The following ARMC9 variants were observed in gnomAD, a reference collection of about 807,000 sequenced individuals.
ARMC9 encodes lisH domain-containing protein ARMC9.
Under a neutral mutation model 107.0 loss-of-function variants are expected in ARMC9, and 94 were observed. The observed-to-expected ratio is 0.88, with a 90% CI of 0.74 to 1.04. ARMC9 has a LOEUF of 1.04. Among genes scored for constraint, ARMC9 ranks in the 50% least tolerant of loss-of-function variants. The probability of loss-of-function intolerance (pLI) is 0.00; values close to 1 mark genes in which losing one functional copy is unlikely to be tolerated. For synonymous variants in ARMC9, 380 were observed against 396.9 expected (o/e 0.96, Z 0.51); for missense variants, 942 against 1,030.1 (o/e 0.91, Z 1.17).
In ARMC9 at chr2:231,235,397, A is replaced by C. The variant is rs752537996; in HGVS notation, c.780+16A>C. ...CGGCAAGATGGTAAGGAAGATCCCT[A>C]ATTGTGTGTATGTCTGTTTGGCAAT... On this transcript the variant is annotated intron_variant, in intron 8 of 24. Coordinates refer to ENST00000611582, the MANE Select transcript of ARMC9 (RefSeq NM_001352754.2). 6.2e-7 allele frequency: 1 copy of C among 1,613,854 alleles called. No individual in the cohort carries two copies. The highest frequency in any genetic ancestry group is 8.5e-7 in the Non-Finnish European group (1 of 1,179,852).
intron 19 of ARMC9, among the ~76,000 whole-genome samples, chr2:231,302,810 C>G (rs1159499039): frequency 6.6e-6 from 1 of 152,016 alleles, no homozygotes; most frequent in African/African-American, 2.4e-5. Flanking sequence ...TTGAGACCAG[C>G]CTGGCCAACA....
chr2:231,308,699 C>A (rs942924619), intron 19 of ARMC9, among the ~76,000 whole-genome samples: 8 of 152,226 alleles, frequency 5.3e-5, no homozygotes, highest in African/African-American at 1.9e-4. Flanking sequence ...CCAGACAGTT[C>A]CTGACCAGCC....
rs771668175 is a variant in ARMC9 at position 231,271,041 on chromosome 2, G to A, written c.1179G>A (p.Arg393=). The change falls in exon 13 of 25, where the codon AGG becomes AGA. Residue 393 remains arginine, a synonymous_variant. Transcript: ENST00000611582. ...TSDVVRQYMA[R]LINAFASLAE... is the part of the protein sequence containing the mutation. ...ACGTGGTGCGGCAGTACATGGCCAG[G>A]CTCATCAATGCTTTTGCGTCACTGG... 1 of 1,614,112 alleles carries A rather than the reference G, an allele frequency of 6.2e-7. No homozygotes were observed. The highest frequency in any genetic ancestry group is 2.2e-5 in the East Asian group (1 of 44,886).
intron 19 of ARMC9, among the ~76,000 whole-genome samples, chr2:231,299,508 G>T (rs2041592318): frequency 6.6e-6 from 1 of 152,210 alleles, no homozygotes; most frequent in Non-Finnish European, 1.5e-5. Context: ...GAAGTCAGTT[G>T]CTGTGCATTT....
chr2:231,285,823 T>G (rs901474809), intron 17 of ARMC9, among the ~76,000 whole-genome samples: 10 of 152,200 alleles, frequency 6.6e-5, no homozygotes, highest in Non-Finnish European at 1.5e-4. Context: ...AAGGTTTTTC[T>G]AAAACCCTGA....
chr2:231,323,343 T>C (rs2043107783), intron 19 of ARMC9, among the ~76,000 whole-genome samples: 1 of 152,246 alleles, frequency 6.6e-6, no homozygotes, highest in Non-Finnish European at 1.5e-5. Context: ...TGTTTTCATC[T>C]GCCTGGCACT....
chr2:231,242,213 A>G (rs1023427058), intron 9 of ARMC9, among the ~76,000 whole-genome samples: 1 of 151,744 alleles, frequency 6.6e-6, no homozygotes, highest in African/African-American at 2.4e-5. Context: ...TCCTGGTGCT[A>G]AGACCCGGGA....
At chr2:231,252,967 A>T (rs775154889) in intron 9 of ARMC9, among the ~76,000 whole-genome samples, 6 of 151,896 alleles carry the variant, frequency 4.0e-5, no homozygotes, top group Non-Finnish European at 7.4e-5. Context: ...GACATTTCAA[A>T]CTTATTTTCT....
At chr2:231,337,290 ATTTTTTTTTTTTT>A (rs58078324) in intron 20 of ARMC9, among the ~76,000 whole-genome samples, 9 of 38,028 alleles carry the variant, frequency 2.4e-4, no homozygotes, top group African/African-American at 1.1e-3. Context: ...ATATATATAT[ATTTTTTTTTTTTT>A]TTTTTTTTTT....
chr2:231,226,869 G>A, intron 7 of ARMC9, 71 bp downstream of exon 7: 1 of 1,509,272 alleles, frequency 6.6e-7, no homozygotes, highest in South Asian at 1.1e-5. Context: ...TAAGATCGGT[G>A]CAAAGATGGA....
chr2:231,334,369 TG>T (rs1289997232), intron 20 of ARMC9, among the ~76,000 whole-genome samples: 4 of 152,366 alleles, frequency 2.6e-5, no homozygotes, highest in African/African-American at 7.2e-5. Flanking sequence ...TTCCAGCCTC[TG>T]GTGGCCCCAG....
intron 21 of ARMC9, among the ~76,000 whole-genome samples, chr2:231,350,243 C>T (rs1450915882): frequency 6.6e-6 from 1 of 152,028 alleles, no homozygotes; most frequent in Non-Finnish European, 1.5e-5. Context: ...CCAGGCTGGT[C>T]TTGAACTCCT....
chr2:231,374,969 G>A lies in ARMC9; in HGVS notation c.*3434G>A, dbSNP rs1214417780. On this transcript the variant is annotated 3_prime_UTR_variant, in exon 25 of 25. Transcript: ENST00000611582. ...CTGATAGCACAGCCTGGGGCTGGTG[G>A]TGTGCCTGTTTGCCTAGCTTTATCT... is the stretch of plus-strand genomic sequence containing the variant. 1 of 152,246 alleles carries A rather than the reference G, an allele frequency of 6.6e-6. No individual in the cohort carries two copies. Among genetic ancestry groups the A allele is most frequent in the African/African-American group, 2.4e-5 (1 of 41,466 alleles). 9.4% of individuals were successfully genotyped at this position (152,246 alleles called of 1,614,324 possible). A position where few individuals can be genotyped will look rare whatever the true frequency, so the allele number is the denominator to read the frequency against.
intron 21 of ARMC9, among the ~76,000 whole-genome samples, chr2:231,352,927 C>T (rs998722920): frequency 3.1e-5 from 4 of 130,398 alleles, no homozygotes; most frequent in Admixed American, 6.9e-5. Flanking sequence ...TTTGGCCGGG[C>T]GCCATGGCTC....
intron 17 of ARMC9, chr2:231,288,748 G>A (rs1348793866): frequency 8.5e-6 from 4 of 470,882 alleles, no homozygotes; most frequent in African/African-American, 2.0e-5. Context: ...AGGGCCACAC[G>A]GCCGGCGAGG....
chr2:231,315,007 G>A (rs1408158821), intron 19 of ARMC9, among the ~76,000 whole-genome samples: 2 of 151,820 alleles, frequency 1.3e-5, no homozygotes, highest in Non-Finnish European at 2.9e-5. Context: ...TTGGGAGGCC[G>A]AGGCAGGCGG....
chr2:231,234,908 CAT>C (rs2035572054), intron 7 of ARMC9, among the ~76,000 whole-genome samples: 1 of 152,196 alleles, frequency 6.6e-6, no homozygotes, highest in African/African-American at 2.4e-5. Flanking sequence ...CAGCCCTAGA[CAT>C]GTTTATTTTC....
At chr2:231,312,501 G>A (rs113732481) in intron 19 of ARMC9, among the ~76,000 whole-genome samples, 6 of 152,320 alleles carry the variant, frequency 3.9e-5, no homozygotes, top group African/African-American at 1.2e-4. Context: ...GCAGGAGTTT[G>A]TGGCGGTTAA....
chr2:231,212,651 C>G (rs2033029438), intron 3 of ARMC9, among the ~76,000 whole-genome samples: 1 of 152,208 alleles, frequency 6.6e-6, no homozygotes, highest in Non-Finnish European at 1.5e-5. Context: ...TGAGCCTGGC[C>G]CCACAGCACT....
Sources: allele counts gnomAD v4.1 joint callset (sites outside exome capture counted in the v4.1 genomes callset), GRCh38; gene constraint gnomAD v4.1.1; transcripts MANE v1.5; gene names NCBI Gene and HGNC (gene_info 2026-07-23, HGNC 2026-07-21).